Variants in TMEM200A observed in about 807,000 individuals in gnomAD.
TMEM200A encodes the protein two transmembrane C.
TMEM200A carries 12 observed loss-of-function variants against 24.3 expected under a neutral mutation model. The ratio of observed to expected loss-of-function variants is 0.49; its 90% CI spans 0.32 to 0.80. The LOEUF is 0.80. Among genes scored for constraint, TMEM200A ranks in the 30% least tolerant of loss-of-function variants. TMEM200A has a pLI of 0.04. For synonymous variants in TMEM200A, 224 were observed against 224.4 expected (o/e 1.00, Z 0.02); for missense variants, 545 against 614.4 (o/e 0.89, Z 1.19).
chr6:130,394,046 C>T (rs1442377199), intron 2 of TMEM200A, among the ~76,000 whole-genome samples: 2 of 152,124 alleles, frequency 1.3e-5, no homozygotes, highest in Non-Finnish European at 2.9e-5. Flanking sequence ...GTTGAAATAG[C>T]AACAAATCAC....
upstream of TMEM200A, chr6:130,365,982 G>C (rs1562544278): frequency 7.1e-6 from 7 of 985,478 alleles, no homozygotes; most frequent in Non-Finnish European, 6.0e-6. Context: ...CCGCCTCTTC[G>C]GGGCTTTATG....
In TMEM200A at chr6:130,440,719, A is replaced by C. The variant is rs1048052660; in HGVS notation, c.297A>C (p.Thr99=). 1 of 1,614,138 alleles carries C rather than the reference A, an allele frequency of 6.2e-7. No individual in the cohort carries two copies. The highest frequency in any genetic ancestry group is 8.5e-7 in the Non-Finnish European group (1 of 1,180,002). The change falls in exon 3 of 3, where the codon ACA becomes ACC. Residue 99 remains threonine (T), a synonymous_variant. Transcript: ENST00000296978. ...TTGATGCTGAAACAACACTGTCAACAAATGAAACTCAGGTCATTCGGAATG... is the reference window on the plus strand; with the variant it reads ...TTGATGCTGAAACAACACTGTCAACCAATGAAACTCAGGTCATTCGGAATG... ...HFIDAETTLS[T]NETQVIRNEG...
chr6:130,425,244 TC>T (rs1426266295), intron 2 of TMEM200A, among the ~76,000 whole-genome samples: 1 of 151,732 alleles, frequency 6.6e-6, no homozygotes, highest in East Asian at 1.9e-4. Context: ...AGTTTAAAAG[TC>T]ATGGTTCCCT....
At chr6:130,410,364 A>G (rs1450235196) in intron 2 of TMEM200A, among the ~76,000 whole-genome samples, 1 of 152,234 alleles carries the variant, frequency 6.6e-6, no homozygotes, top group African/African-American at 2.4e-5. Context: ...AAGAGCTTTT[A>G]ACATTAACTT....
chr6:130,383,837 G>A (rs1778654875), intron 1 of TMEM200A, among the ~76,000 whole-genome samples: 2 of 152,180 alleles, frequency 1.3e-5, no homozygotes, highest in Non-Finnish European at 2.9e-5. Flanking sequence ...AAAAGAAGAG[G>A]CAGGGAGCGG....
chr6:130,403,620 A>C (rs879682330), intron 2 of TMEM200A, among the ~76,000 whole-genome samples: 1 of 149,512 alleles, frequency 6.7e-6, no homozygotes, highest in Admixed American at 6.7e-5. Context: ...TTCTTATTTC[A>C]GGAACTTTGT....
chr6:130,423,399 A>T (rs1779650502), intron 2 of TMEM200A, among the ~76,000 whole-genome samples: 1 of 152,170 alleles, frequency 6.6e-6, no homozygotes, highest in Non-Finnish European at 1.5e-5. Flanking sequence ...TCTTCCTGTC[A>T]CTAAATGATT....
chr6:130,371,721 A>T (rs937068665), intron 1 of TMEM200A, among the ~76,000 whole-genome samples: 1 of 152,138 alleles, frequency 6.6e-6, no homozygotes, highest in Non-Finnish European at 1.5e-5. Flanking sequence ...TATAGCAAGG[A>T]AAGGGGATGG....
intron 2 of TMEM200A, among the ~76,000 whole-genome samples, chr6:130,433,625 T>C (rs910789178): frequency 6.6e-6 from 1 of 152,208 alleles, no homozygotes; most frequent in African/African-American, 2.4e-5. Context: ...AATATTTCCA[T>C]CTGTCACATT....
chr6:130,405,467 A>G (rs1779183263), intron 2 of TMEM200A, among the ~76,000 whole-genome samples: 1 of 152,018 alleles, frequency 6.6e-6, no homozygotes, highest in Admixed American at 6.6e-5. Context: ...TGCTCTTATC[A>G]CTTAAATTCG....
In TMEM200A at chr6:130,441,829, T is replaced by G; in HGVS notation, c.1407T>G (p.Asn469Lys). 1 of 1,613,748 alleles carries G rather than the reference T, an allele frequency of 6.2e-7. No homozygotes were observed. The highest frequency in any genetic ancestry group is 8.5e-7 in the Non-Finnish European group (1 of 1,179,914). The change falls in exon 3 of 3, where the codon AAT becomes AAG. Residue 469 changes from asparagine (N) to lysine (K), a missense_variant. Asn to Lys is a moderately conservative substitution (Grantham distance 94). Coordinates refer to ENST00000296978, the MANE Select transcript of TMEM200A (RefSeq NM_001258277.2). Reference sequence around the variant, plus strand: ...TTATGATTTCAAGATCTCACAATAATTTGAGTTTTGAACATGATGAGTTTT... The same window carrying G: ...TTATGATTTCAAGATCTCACAATAAGTTGAGTTTTGAACATGATGAGTTTT... ...KLLMISRSHN[N>K]LSFEHDEFLS...
chr6:130,396,206 G>A (rs1445235213), intron 2 of TMEM200A, among the ~76,000 whole-genome samples: 3 of 152,118 alleles, frequency 2.0e-5, no homozygotes, highest in African/African-American at 7.2e-5. Flanking sequence ...GTTGTTGCCT[G>A]TAATGGGTGC....
intron 1 of TMEM200A, among the ~76,000 whole-genome samples, chr6:130,372,364 GT>G (rs1433847254): frequency 6.6e-6 from 1 of 152,168 alleles, no homozygotes; most frequent in East Asian, 1.9e-4. Flanking sequence ...AATCTAGTAG[GT>G]TTTTTCCCCT....
At position 130,441,787 on chromosome 6, in the gene TMEM200A, C is replaced by T. The variant is rs2115244764; in HGVS notation, c.1365C>T (p.Thr455=). ...AAGTTGCCATCAAAAAGGACTTTAC[C>T]AATAAGGAGAAGCTTCTTATGATTT... ...VPQVAIKKDF[T]NKEKLLMISR... is the part of the protein sequence containing the mutation. Residue 455 remains threonine (T), a synonymous_variant, in exon 3 of 3, where the codon ACC becomes ACT. Transcript: ENST00000296978. The T allele has an allele frequency of 1.9e-6, 3 of 1,613,914 alleles. No homozygotes were observed. The East Asian group carries it at 6.7e-5, about 36-fold the overall frequency.
chr6:130,417,834 A>G (rs1012613206), intron 2 of TMEM200A, among the ~76,000 whole-genome samples: 2 of 152,182 alleles, frequency 1.3e-5, no homozygotes, highest in African/African-American at 4.8e-5. Context: ...GTTGATATTC[A>G]TAATCAAACA....
chr6:130,366,391 G>A lies in TMEM200A; in HGVS notation c.-214G>A. 1 of 984,738 alleles carries A rather than the reference G, an allele frequency of 1.0e-6. No homozygotes were observed. The highest frequency in any genetic ancestry group is 1.2e-6 in the Non-Finnish European group (1 of 829,938). The allele number at this position is 984,738 out of a possible 1,614,324, so 61.0% of individuals were successfully genotyped here. On this transcript the variant is annotated 5_prime_UTR_variant, in exon 1 of 3. Coordinates refer to ENST00000296978, the MANE Select transcript of TMEM200A (RefSeq NM_001258277.2). This position sits in a 1 kb window ranked among gnomAD's most constrained non-coding sequence, Gnocchi z 4.4. ...GCTGCCCGCGGCGGCCGAGATTCCC[G>A]CTGACGCCCCCGACCCTGCCGCCTT... is the stretch of plus-strand genomic sequence containing the variant.
chr6:130,374,066 A>G (rs1237584200), intron 1 of TMEM200A, among the ~76,000 whole-genome samples: 1 of 152,228 alleles, frequency 6.6e-6, no homozygotes, highest in Non-Finnish European at 1.5e-5. Context: ...CCCATGATAG[A>G]AAAAAGTAGC....
chr6:130,382,681 T>A (rs938838531), intron 1 of TMEM200A, among the ~76,000 whole-genome samples: 3 of 152,210 alleles, frequency 2.0e-5, no homozygotes, highest in African/African-American at 7.2e-5. Context: ...CATGAAAGAT[T>A]TTTTTTTCCT....
At chr6:130,420,616 C>T (rs1029837137) in intron 2 of TMEM200A, among the ~76,000 whole-genome samples, 5 of 152,128 alleles carry the variant, frequency 3.3e-5, no homozygotes, top group African/African-American at 1.2e-4. Context: ...TCAGTTGGCA[C>T]TTTCATCTTA....
Sources: gnomAD v4.1 joint callset for allele counts (sites outside exome capture counted in the v4.1 genomes callset) on GRCh38, gnomAD v4.1.1 for gene constraint, Gnocchi (gnomAD v3.1) non-coding constraint, MANE v1.5 for transcripts, NCBI Gene and HGNC (gene_info 2026-07-23, HGNC 2026-07-21) for gene names.